The following TMEFF2 variants were observed in gnomAD, a reference collection of about 807,000 sequenced individuals.
TMEFF2 encodes the protein tomoregulin-2.
Under a neutral mutation model 53.8 loss-of-function variants are expected in TMEFF2, and 28 were observed. The ratio of observed to expected loss-of-function variants is 0.52; its 90% CI spans 0.39 to 0.71. The LOEUF (loss-of-function observed/expected upper bound fraction) is 0.71, where lower values mean the gene tolerates loss of function less well. Among genes scored for constraint, TMEFF2 ranks in the 30% least tolerant of loss-of-function variants. The pLI, the probability that TMEFF2 is intolerant of heterozygous loss-of-function variation, is 0.00. For missense variants in TMEFF2, 353 were observed against 455.2 expected, an observed-to-expected ratio of 0.78 and a Z score of 2.04; for synonymous variants, 162 against 166.3, an observed-to-expected ratio of 0.97 and a Z score of 0.20.
chr2:192,102,626 C>CTT (rs10635775), intron 4 of TMEFF2, among the ~76,000 whole-genome samples: 4,400 of 109,774 alleles, frequency 0.04, 398 homozygotes, highest in African/African-American at 0.099. Context: ...TTTTCTTGTT[C>CTT]TTTTTTTTTT....
chr2:192,088,712 A>C (rs1688720464), intron 4 of TMEFF2, among the ~76,000 whole-genome samples: 1 of 152,064 alleles, frequency 6.6e-6, no homozygotes, highest in Non-Finnish European at 1.5e-5. Flanking sequence ...TTAATCTTTT[A>C]ATTCATGCTA....
intron 4 of TMEFF2, among the ~76,000 whole-genome samples, chr2:192,117,815 C>A (rs191120520): frequency 6.6e-6 from 1 of 151,932 alleles, no homozygotes; most frequent in East Asian, 1.9e-4. Flanking sequence ...ATCACTATTT[C>A]ATTTACATAG....
At chr2:192,162,730 T>C (rs1690665111) in intron 4 of TMEFF2, among the ~76,000 whole-genome samples, 2 of 152,158 alleles carry the variant, frequency 1.3e-5, no homozygotes, top group African/African-American at 4.8e-5. Flanking sequence ...AAAAGCTAAA[T>C]GAGCTTTTAA....
At chr2:191,972,245 A>T (rs891239339) in intron 7 of TMEFF2, among the ~76,000 whole-genome samples, 7 of 149,932 alleles carry the variant, frequency 4.7e-5, no homozygotes, top group Admixed American at 2.7e-4. Context: ...CCCGGATTCA[A>T]GTGATTCTCC....
intron 4 of TMEFF2, among the ~76,000 whole-genome samples, chr2:192,079,638 A>G (rs568920482): frequency 6.6e-6 from 1 of 152,214 alleles, no homozygotes; most frequent in African/African-American, 2.4e-5. Context: ...TGTACAAATA[A>G]AGATTAAAAT....
intron 2 of TMEFF2, among the ~76,000 whole-genome samples, chr2:192,188,687 CAT>C (rs1259579872): frequency 6.6e-6 from 1 of 152,120 alleles, no homozygotes; most frequent in African/African-American, 2.4e-5. Flanking sequence ...ACCTGAAAAA[CAT>C]AAGGCTTCAT....
intron 3 of TMEFF2, 44 bp downstream of exon 3, chr2:192,184,310 T>C: frequency 1.9e-6 from 3 of 1,599,924 alleles, no homozygotes; most frequent in South Asian, 1.1e-5. Context: ...GGTTTTTGGA[T>C]TTGGAATCCA....
rs544996332 is a variant in TMEFF2 at position 191,949,890 on chromosome 2, C to T, written c.*421G>A. 6.4e-5 allele frequency: 63 copies of T among 987,838 alleles called. No individual in the cohort carries two copies. Among genetic ancestry groups the T allele is most frequent in the Non-Finnish European group, 7.6e-5 (63 of 831,460 alleles). The allele number at this position is 987,838 out of a possible 1,614,324, so 61.2% of individuals were successfully genotyped here. A position where few individuals can be genotyped will look rare whatever the true frequency, so the allele number is the denominator to read the frequency against. On this transcript the variant is annotated 3_prime_UTR_variant, in exon 10 of 10. Coordinates refer to ENST00000272771, the MANE Select transcript of TMEFF2 (RefSeq NM_016192.4). Reference sequence around the variant, plus strand: ...CTTGGAATCATTCAAAACCTAGCCACTGAGTCCTGTACGAACTAATGTGCT... The same window carrying T: ...CTTGGAATCATTCAAAACCTAGCCATTGAGTCCTGTACGAACTAATGTGCT...
intron 4 of TMEFF2, among the ~76,000 whole-genome samples, chr2:192,079,236 G>A (rs1023543722): frequency 3.9e-5 from 6 of 152,190 alleles, no homozygotes; most frequent in African/African-American, 1.2e-4. Flanking sequence ...CTCTGCAGAT[G>A]TACACTGGGC....
chr2:192,028,252 C>T (rs1475586334), intron 5 of TMEFF2, among the ~76,000 whole-genome samples: 3 of 152,104 alleles, frequency 2.0e-5, no homozygotes, highest in African/African-American at 7.2e-5. Context: ...GACTGTAAGT[C>T]CATTAAACCT....
At chr2:192,100,779 C>T (rs1201829019) in intron 4 of TMEFF2, among the ~76,000 whole-genome samples, 2 of 152,048 alleles carry the variant, frequency 1.3e-5, no homozygotes, top group African/African-American at 4.8e-5. Context: ...CTGAAATTTC[C>T]AAGCATCCAG....
In TMEFF2 at chr2:192,098,154, T is replaced by TA. The variant is rs373201179; in HGVS notation, c.440-40380dup. Among the ~76,000 whole-genome samples the TA allele has an allele frequency of 1.9e-3, 295 of 152,270 alleles. 1 individual carries two copies. Among genetic ancestry groups the TA allele is most frequent in the Middle Eastern group, 6.8e-3 (2 of 294 alleles). On this transcript the variant is annotated intron_variant, in intron 4 of 9. Coordinates refer to ENST00000272771, the MANE Select transcript of TMEFF2 (RefSeq NM_016192.4). ...ATTTAACCACAATAGCAAAGTGAAA[T>TA]AAAATACTAGCTTACATGTTCTTTA...
chr2:192,024,616 G>A (rs567990368), intron 5 of TMEFF2, among the ~76,000 whole-genome samples: 6 of 152,252 alleles, frequency 3.9e-5, no homozygotes, highest in African/African-American at 7.2e-5. Flanking sequence ...ATATATACTC[G>A]CGGAGTACAT....
At chr2:192,192,765 A>G (rs1419241744) in intron 1 of TMEFF2, among the ~76,000 whole-genome samples, 1 of 152,242 alleles carries the variant, frequency 6.6e-6, no homozygotes, top group Non-Finnish European at 1.5e-5. Flanking sequence ...GTGTTGGACT[A>G]CAAAGCCATC....
intron 4 of TMEFF2, among the ~76,000 whole-genome samples, chr2:192,061,402 TAAA>T (rs1688040793): frequency 6.6e-6 from 1 of 152,020 alleles, no homozygotes; most frequent in Non-Finnish European, 1.5e-5. Context: ...AATAAAAAAA[TAAA>T]AATAGAGTAT....
At chr2:192,050,036 A>G (rs894206835) in intron 5 of TMEFF2, among the ~76,000 whole-genome samples, 7 of 152,116 alleles carry the variant, frequency 4.6e-5, no homozygotes, top group Non-Finnish European at 1.0e-4. Context: ...AAAAAGAGAA[A>G]CAAGTAATGA....
chr2:191,996,561 TTTA>T (rs1381473205), intron 7 of TMEFF2, among the ~76,000 whole-genome samples: 2 of 152,004 alleles, frequency 1.3e-5, no homozygotes, highest in East Asian at 3.9e-4. Flanking sequence ...ATTATTATCT[TTTA>T]TTATTTTTGA....
In TMEFF2 at chr2:192,098,718, G is replaced by T. The variant is rs565910487; in HGVS notation, c.440-40943C>A. The stretch of plus-strand genomic sequence containing the variant: ...GCAGTTCCTGAAGATTTTCTCTCCT[G>T]GGTAAAATGGTACCTCCAGGAAGGA... On this transcript the variant is annotated intron_variant, in intron 4 of 9. Coordinates refer to ENST00000272771, the MANE Select transcript of TMEFF2 (RefSeq NM_016192.4). 1.5e-4 allele frequency among the ~76,000 whole-genome samples: 23 copies of T among 152,244 alleles called. No homozygotes were observed. The South Asian group carries it at 3.1e-3, about 21-fold the overall frequency.
chr2:191,961,457 C>T (rs184288941), intron 7 of TMEFF2, among the ~76,000 whole-genome samples: 73 of 152,224 alleles, frequency 4.8e-4, no homozygotes, highest in East Asian at 1.5e-3. Flanking sequence ...GAGGGAAACT[C>T]CAGTATTGAA....
Sources: gnomAD v4.1 joint callset for allele counts (sites outside exome capture counted in the v4.1 genomes callset) on GRCh38, gnomAD v4.1.1 for gene constraint, MANE v1.5 for transcripts, NCBI Gene and HGNC (gene_info 2026-07-23, HGNC 2026-07-21) for gene names.